MUC4: variants seen among roughly 807,000 people sequenced by gnomAD.
MUC4 encodes mucin-4.
Under a neutral mutation model 257.9 loss-of-function variants are expected in MUC4, and 202 were observed. The ratio of observed to expected loss-of-function variants is 0.78; its 90% CI spans 0.70 to 0.88. The LOEUF is 0.88. MUC4 is among the 40% of genes least tolerant of loss of function. The pLI, the probability that MUC4 is intolerant of heterozygous loss-of-function variation, is 0.00. For synonymous variants in MUC4, 2,351 were observed against 2,757.1 expected (o/e 0.85, Z 4.62); for missense variants, 5,976 against 6,513.7 (o/e 0.92, Z 2.84).
chr3:195,748,255 A>G (rs1256197944), intron 24 of MUC4, among the ~76,000 whole-genome samples: 1 of 152,282 alleles, frequency 6.6e-6, no homozygotes, highest in Non-Finnish European at 1.5e-5. Context: ...AGCAGCAGCC[A>G]GATCAGGTGG....
chr3:195,768,804 G>A (rs1377673303), intron 7 of MUC4, among the ~76,000 whole-genome samples: 1 of 152,220 alleles, frequency 6.6e-6, no homozygotes, highest in Non-Finnish European at 1.5e-5. Context: ...CAACTCACGG[G>A]GACTGGGATG....
In MUC4 at chr3:195,752,458, A is replaced by G. The variant is rs1202257271; in HGVS notation, c.15509-12T>C. 8.1e-6 allele frequency: 13 copies of G among 1,610,442 alleles called. No individual in the cohort carries two copies. The highest frequency in any genetic ancestry group is 1.1e-5 in the Non-Finnish European group (13 of 1,176,674). On this transcript the variant is annotated splice_polypyrimidine_tract_variant and intron_variant, in intron 20 of 24. Transcript: ENST00000463781. ...TCTTAAGGGAAGTTCTGGAGATGGG[A>G]GAAGCAAATGTATCATCACCCCACG...
intron 24 of MUC4, among the ~76,000 whole-genome samples, chr3:195,747,861 A>AAAAAAC (rs200062261): frequency 0.011 from 1,677 of 152,080 alleles, 6 homozygotes; most frequent in African/African-American, 0.038. Flanking sequence ...ACTCCGTCTC[A>AAAAAAC]AAAAACAAAA....
intron 7 of MUC4, 126 bp from the exon 8 acceptor site, chr3:195,766,877 G>A (rs1287000612): frequency 2.5e-5 from 19 of 762,906 alleles, no homozygotes; most frequent in Non-Finnish European, 3.8e-5. Context: ...CAGTGGGTCA[G>A]TGGGTCAGCC....
At chr3:195,762,987 G>A in intron 12 of MUC4, 42 bp from the exon 13 acceptor site, 1 of 1,446,676 alleles carries the variant, frequency 6.9e-7, no homozygotes, top group Non-Finnish European at 9.4e-7. Flanking sequence ...ACCCGCAGGT[G>A]GAGCCGACGC....
rs773734047 is a variant in MUC4, at chr3:195,783,184, G to A, written c.8396C>T (p.Thr2799Ile). The A allele has an allele frequency of 6.8e-7, 1 of 1,461,770 alleles. No homozygotes were observed. The highest frequency in any genetic ancestry group is 9.3e-7 in the Non-Finnish European group (1 of 1,073,742). 90.5% of individuals were successfully genotyped at this position (1,461,770 alleles called of 1,614,324 possible). ...CGAAGCGTCGGTGACAGGAAGAGGG[G>A]TGGTGTGACCTGTGGATGCTGAGGA... ...SPSSASTGHT[T>I]PLPVTDASSV... The change falls in exon 2 of 25, where the codon ACC becomes ATC. Residue 2799 changes from threonine to isoleucine, a missense_variant. Around this residue, in one of 44 missense-constraint regions of MUC4, gnomAD observed 228 missense variants for 206.3 expected, o/e 1.11. Coordinates refer to ENST00000463781, the MANE Select transcript of MUC4 (RefSeq NM_018406.7).
intron 3 of MUC4, among the ~76,000 whole-genome samples, chr3:195,775,112 G>C (rs1052849872): frequency 1.3e-5 from 2 of 151,890 alleles, no homozygotes; most frequent in Non-Finnish European, 2.9e-5. Context: ...CCGACTCCTT[G>C]GCGCCCTCCC....
Position 195,788,467 on chromosome 3 carries a change from A to T in MUC4, c.3113T>A (p.Val1038Asp), listed in dbSNP as rs13060286. The T allele has an allele frequency of 7.1e-6, 6 of 849,170 alleles. No homozygotes were observed. In the South Asian group the frequency reaches 1.1e-4, roughly 16 times the overall value. The allele number at this position is 849,170 out of a possible 1,614,324, so 52.6% of individuals were successfully genotyped here. A position where few individuals can be genotyped will look rare whatever the true frequency, so the allele number is the denominator to read the frequency against. ...AAAGCTGGTGACAGGAAGAGGGGTG[A>T]CGTGACCTGTGGATTCTGAGGAAGT... ...TDTSSESTGH[V>D]TPLPVTSFSS... Residue 1038 changes from valine to aspartate, a missense_variant, in exon 2 of 25, where the codon GTC becomes GAC. Transcript: ENST00000463781.
chr3:195,790,597 T>C lies in MUC4; in HGVS notation c.983A>G (p.Gln328Arg). 6.2e-7 allele frequency: 1 copy of C among 1,614,034 alleles called. No homozygotes were observed. Among genetic ancestry groups the C allele is most frequent in the Non-Finnish European group, 8.5e-7 (1 of 1,179,888 alleles). Residue 328 changes from glutamine to arginine, a missense_variant, in exon 2 of 25, where the codon CAG becomes CGG. Around this residue, in one of 44 missense-constraint regions of MUC4, gnomAD observed 1,583 missense variants for 1,257.4 expected, o/e 1.26. Transcript: ENST00000463781. ...AGATACTCTGGTGGTCTCCACGCTC[T>C]GAGTCTGGTGGTTCTTAGAAAAAGC... is the stretch of plus-strand genomic sequence containing the variant. The part of the protein sequence containing the change: ...TTAFSKNHQT[Q>R]SVETTRVSQI...
chr3:195,795,849 G>T (rs1213947631), intron 1 of MUC4, among the ~76,000 whole-genome samples: 1 of 131,228 alleles, frequency 7.6e-6, no homozygotes, highest in Non-Finnish European at 1.6e-5. Context: ...GTGGGGGAGG[G>T]GGGTGGGAGG....
rs371492604 is a variant in MUC4, at chr3:195,782,475, G to A, written c.9105C>T (p.Thr3035=). The A allele has an allele frequency of 4.6e-6, 5 of 1,088,782 alleles. No homozygotes were observed. Among genetic ancestry groups the A allele is most frequent in the South Asian group, 1.8e-5 (1 of 54,276 alleles). 67.4% of individuals were successfully genotyped at this position (1,088,782 alleles called of 1,614,324 possible). A position where few individuals can be genotyped will look rare whatever the true frequency, so the allele number is the denominator to read the frequency against. ...TGACAGGAAGCGGGGTGGCGTGACC[G>A]GTGGATGCTGAGGAAGGGCTGGTGA... ...LHVTSPSSAS[T]GHATPLPVTD... Residue 3035 remains threonine, a synonymous_variant, in exon 2 of 25, where the codon ACC becomes ACT. Coordinates refer to ENST00000463781, the MANE Select transcript of MUC4 (RefSeq NM_018406.7).
intron 4 of MUC4, 118 bp from the exon 5 acceptor site, chr3:195,771,934 A>C (rs923941889): frequency 2.7e-6 from 3 of 1,131,520 alleles, no homozygotes; most frequent in Non-Finnish European, 3.8e-6. Flanking sequence ...AGATGCTAAC[A>C]ACCCCTGGAA....
At chr3:195,777,981 G>A (rs1725356373) in intron 3 of MUC4, among the ~76,000 whole-genome samples, 1 of 151,756 alleles carries the variant, frequency 6.6e-6, no homozygotes, top group Non-Finnish European at 1.5e-5. Flanking sequence ...TCCCTGCCTG[G>A]GGTGCTCCTC....
At chr3:195,765,246 T>C in intron 9 of MUC4, 24 bp downstream of exon 9, 2 of 1,515,012 alleles carry the variant, frequency 1.3e-6, no homozygotes, top group Non-Finnish European at 1.8e-6. Flanking sequence ...GGTGGGCTTG[T>C]GGGGGGCGGG....
intron 10 of MUC4, among the ~76,000 whole-genome samples, chr3:195,764,657 C>T (rs191351785): frequency 2.0e-5 from 3 of 152,136 alleles, no homozygotes; most frequent in East Asian, 1.9e-4. Context: ...TCCCTTGGAG[C>T]GTCTCTGTGG....
rs1578429854 is a variant in MUC4, at chr3:195,790,173, G to C, written c.1407C>G (p.Ser469Arg). Residue 469 changes from serine (S) to arginine (R), a missense_variant, in exon 2 of 25, where the codon AGC becomes AGG. Physicochemically the swap from Ser to Arg is moderately radical, Grantham distance 110. Coordinates refer to ENST00000463781, the MANE Select transcript of MUC4 (RefSeq NM_018406.7). Reference protein sequence around the residue: ...AETTGRPHERSSFSPGVSQEI... With the variant: ...AETTGRPHERRSFSPGVSQEI... ...CTTGAGACACACCTGGAGAGAATGA[G>C]CTCCTCTCATGAGGCCGTCCTGTGG... The C allele has an allele frequency of 6.2e-7, 1 of 1,614,026 alleles. No individual in the cohort carries two copies. The highest frequency in any genetic ancestry group is 2.2e-5 in the East Asian group (1 of 44,892).
In MUC4 at chr3:195,789,472, C is replaced by T; in HGVS notation, c.2108G>A (p.Gly703Asp). The change falls in exon 2 of 25, where the codon GGT (glycine) becomes GAT (aspartate). Residue 703 changes from glycine (G) to aspartate (D), a missense_variant. Physicochemically the swap from Gly to Asp is moderately conservative, Grantham distance 94. Coordinates refer to ENST00000463781, the MANE Select transcript of MUC4 (RefSeq NM_018406.7). ...TTFAPAPTGD[G>D]HTTQAPTTAL... The stretch of plus-strand genomic sequence containing the variant: ...TGTGGTCGGGGCCTGGGTTGTGTGA[C>T]CATCCCCGGTGGGAGCTGGGGCAAA... 5 of 1,613,984 alleles carry T rather than the reference C, an allele frequency of 3.1e-6. No homozygotes were observed. Among genetic ancestry groups the T allele is most frequent in the Non-Finnish European group, 4.2e-6 (5 of 1,179,890 alleles).
Position 195,791,235 on chromosome 3 carries a change from A to G in MUC4, c.345T>C (p.Pro115=). Residue 115 remains proline, a synonymous_variant, in exon 2 of 25, where the codon CCT becomes CCC. Transcript: ENST00000463781. ...PSVHNVMETA[P]PDEMTTSFPS... is the part of the protein sequence containing the mutation. The stretch of plus-strand genomic sequence containing the variant: ...GAAATGATGTGGTCATTTCATCTGG[A>G]GGAGCTGTCTCCATCACATTGTGTA... 1 of 478,526 alleles carries G rather than the reference A, an allele frequency of 2.1e-6. No individual in the cohort carries two copies. The allele number at this position is 478,526 out of a possible 1,614,324, so 29.6% of individuals were successfully genotyped here.
intron 7 of MUC4, among the ~76,000 whole-genome samples, chr3:195,767,516 TCACCACCACCATCGC>T (rs1560261079): frequency 6.8e-5 from 4 of 59,222 alleles, no homozygotes; most frequent in African/African-American, 1.4e-4. Context: ...ACCATCACCA[TCACCACCACCATCGC>T]CACCACCATC....
Sources: gnomAD v4.1 joint callset for allele counts (sites outside exome capture counted in the v4.1 genomes callset) on GRCh38, gnomAD v4.1.1 for gene constraint, gnomAD v4.1.1 regional missense constraint, MANE v1.5 for transcripts, NCBI Gene and HGNC (gene_info 2026-07-23, HGNC 2026-07-21) for gene names.